The following ERBB4 variants were observed in gnomAD, a reference collection of about 807,000 sequenced individuals.
ERBB4 encodes the protein receptor tyrosine-protein kinase erbB-4.
A neutral mutation model predicts 158.0 loss-of-function variants in ERBB4; 42 were observed. The observed-to-expected ratio is 0.27, with a 90% CI of 0.21 to 0.34. The LOEUF is 0.34. ERBB4 is among the 10% of genes least tolerant of loss of function. ERBB4 has a pLI of 1.00. For synonymous variants in ERBB4, 583 were observed against 558.7 expected (o/e 1.04, Z -0.61); for missense variants, 1,333 against 1,624.1 (o/e 0.82, Z 3.08).
chr2:212,348,094 T>A (rs1008113644), intron 1 of ERBB4, among the ~76,000 whole-genome samples: 1 of 152,126 alleles, frequency 6.6e-6, no homozygotes, highest in African/African-American at 2.4e-5. Context: ...ATAAAATTTT[T>A]ATTTTATAAT....
chr2:211,385,638 A>G (rs2062669360), intron 27 of ERBB4, among the ~76,000 whole-genome samples: 1 of 152,220 alleles, frequency 6.6e-6, no homozygotes, highest in South Asian at 2.1e-4. Context: ...GTTAGACTAT[A>G]GCAACCTTTT....
chr2:212,532,755 A>G (rs988051447), intron 1 of ERBB4, among the ~76,000 whole-genome samples: 1 of 152,224 alleles, frequency 6.6e-6, no homozygotes, highest in Non-Finnish European at 1.5e-5. Flanking sequence ...TAAGGCATGC[A>G]CTATTCCTAT....
chr2:211,737,680 T>A (rs2074646936), intron 5 of ERBB4, among the ~76,000 whole-genome samples: 1 of 152,200 alleles, frequency 6.6e-6, no homozygotes, highest in Non-Finnish European at 1.5e-5. Context: ...ATGAAGCTGT[T>A]ACAAAGATTT....
intron 2 of ERBB4, among the ~76,000 whole-genome samples, chr2:212,053,578 A>G (rs943910998): frequency 6.6e-6 from 1 of 152,122 alleles, no homozygotes; most frequent in Non-Finnish European, 1.5e-5. Flanking sequence ...TGATTGTGTG[A>G]CTTTCCAGTT....
At chr2:212,500,508 T>G (rs111607435) in intron 1 of ERBB4, among the ~76,000 whole-genome samples, 1,895 of 151,856 alleles carry the variant, frequency 0.012, 42 homozygotes, top group African/African-American at 0.044. Context: ...GCCCTAACAT[T>G]TAATTTTTTT....
At chr2:211,569,568 C>T (rs903961001) in intron 19 of ERBB4, among the ~76,000 whole-genome samples, 5 of 152,102 alleles carry the variant, frequency 3.3e-5, no homozygotes, top group South Asian at 2.1e-4. Context: ...GATAATGAAA[C>T]GGTGGTCGCA....
intron 1 of ERBB4, among the ~76,000 whole-genome samples, chr2:212,245,875 A>C (rs1219198005): frequency 6.6e-6 from 1 of 152,082 alleles, no homozygotes; most frequent in Non-Finnish European, 1.5e-5. Flanking sequence ...CACTATTTAC[A>C]AAAGGGAGAT....
chr2:212,108,430 C>G (rs2079295937), intron 2 of ERBB4, among the ~76,000 whole-genome samples: 1 of 152,124 alleles, frequency 6.6e-6, no homozygotes, highest in Non-Finnish European at 1.5e-5. Flanking sequence ...TAATAAGAGA[C>G]TAATAAGTGA....
chr2:211,574,359 A>G (rs1343769715), intron 19 of ERBB4, among the ~76,000 whole-genome samples: 1 of 152,214 alleles, frequency 6.6e-6, no homozygotes, highest in African/African-American at 2.4e-5. Context: ...AGATTTTGGC[A>G]TTATAAGAGA....
intron 5 of ERBB4, among the ~76,000 whole-genome samples, chr2:211,749,283 C>T (rs943415276): frequency 6.6e-6 from 1 of 152,290 alleles, no homozygotes; most frequent in East Asian, 1.9e-4. Flanking sequence ...TATGACCCTA[C>T]AAATTCACCT....
intron 1 of ERBB4, among the ~76,000 whole-genome samples, chr2:212,501,747 A>G (rs1031710506): frequency 1.3e-5 from 2 of 152,144 alleles, no homozygotes; most frequent in African/African-American, 4.8e-5. Flanking sequence ...AGAACCTGAC[A>G]TAAACTTTAG....
At chr2:211,843,997 T>A (rs1237855439) in intron 3 of ERBB4, among the ~76,000 whole-genome samples, 1 of 152,110 alleles carries the variant, frequency 6.6e-6, no homozygotes, top group Admixed American at 6.6e-5. Context: ...GATTTTGAAC[T>A]AGTTTATTAT....
intron 2 of ERBB4, among the ~76,000 whole-genome samples, chr2:212,018,926 G>C (rs867479259): frequency 2.0e-5 from 3 of 152,204 alleles, no homozygotes; most frequent in Middle Eastern, 3.4e-3. Flanking sequence ...AATAGTTCAA[G>C]ACCCAATAAC....
chr2:211,888,228 T>A (rs935506676), intron 3 of ERBB4, among the ~76,000 whole-genome samples: 4 of 152,212 alleles, frequency 2.6e-5, no homozygotes, highest in African/African-American at 9.7e-5. Context: ...TGAACCTTTT[T>A]ATATTTATTA....
intron 19 of ERBB4, among the ~76,000 whole-genome samples, chr2:211,595,586 TAGTTATA>T (rs1391189345): frequency 1.3e-5 from 2 of 152,158 alleles, no homozygotes; most frequent in East Asian, 3.9e-4. Flanking sequence ...GAAAACATCA[TAGTTATA>T]AGAACCAGAT....
intron 22 of ERBB4, among the ~76,000 whole-genome samples, chr2:211,427,252 T>C (rs2063649654): frequency 6.6e-6 from 1 of 152,128 alleles, no homozygotes; most frequent in African/African-American, 2.4e-5. Flanking sequence ...GGTAAAACTT[T>C]TTTTTAAGCT....
chr2:211,537,972 A>T (rs906552728), intron 20 of ERBB4, among the ~76,000 whole-genome samples: 1 of 152,004 alleles, frequency 6.6e-6, no homozygotes, highest in East Asian at 1.9e-4. Context: ...TCATGTTCAA[A>T]ATATTGTTTC....
chr2:212,118,445 G>C (rs1014731389), intron 2 of ERBB4, among the ~76,000 whole-genome samples: 13 of 152,162 alleles, frequency 8.5e-5, no homozygotes, highest in Non-Finnish European at 1.6e-4. Flanking sequence ...TCATTGGTCA[G>C]AAGAGGAATA....
chr2:211,531,400 A>G (rs2066495626), intron 20 of ERBB4, among the ~76,000 whole-genome samples: 1 of 151,984 alleles, frequency 6.6e-6, no homozygotes, highest in African/African-American at 2.4e-5. Flanking sequence ...GGGAGAAAAT[A>G]TTTGCAAACT....
Sources: gnomAD v4.1 joint callset for allele counts (sites outside exome capture counted in the v4.1 genomes callset) on GRCh38, gnomAD v4.1.1 for gene constraint, MANE v1.5 for transcripts, NCBI Gene and HGNC (gene_info 2026-07-23, HGNC 2026-07-21) for gene names.